Variants in PCDH11X observed in about 807,000 individuals in gnomAD.
PCDH11X encodes the protein protocadherin-11 X-linked.
Under a neutral mutation model 53.3 loss-of-function variants are expected in PCDH11X, and 18 were observed. The ratio of observed to expected loss-of-function variants is 0.34; its 90% confidence interval spans 0.23 to 0.50. The LOEUF is 0.50. Ranked by LOEUF, PCDH11X falls within the 20% of genes least tolerant of loss-of-function variation. The pLI, the probability that PCDH11X is intolerant of heterozygous loss-of-function variation, is 0.98. For synonymous variants in PCDH11X, 279 were observed against 393.3 expected (o/e 0.71, Z 3.44); for missense variants, 570 against 1,032.4 (o/e 0.55, Z 6.14).
At chrX:92,235,309 G>A (rs2067150115) in intron 7 of PCDH11X, among the ~76,000 whole-genome samples, 1 of 111,084 alleles carries the variant, frequency 9.0e-6, no homozygotes, top group Non-Finnish European at 1.9e-5. Context: ...AATTATAGCT[G>A]TCAGGTCTGG....
chrX:92,419,291 T>A (rs980706006), intron 9 of PCDH11X, among the ~76,000 whole-genome samples: 14 of 101,638 alleles, frequency 1.4e-4, no homozygotes, highest in African/African-American at 5.0e-4. Flanking sequence ...TTTTTTTGTC[T>A]TTTTTTTTCT....
At chrX:92,305,228 G>T (rs1260802316) in intron 8 of PCDH11X, among the ~76,000 whole-genome samples, 1 of 110,860 alleles carries the variant, frequency 9.0e-6, no homozygotes, top group Non-Finnish European at 1.9e-5. Context: ...TACAAGGACT[G>T]CCATAACAGT....
At chrX:91,846,966 C>T (rs776597074) in intron 5 of PCDH11X, among the ~76,000 whole-genome samples, 3 of 111,660 alleles carry the variant, frequency 2.7e-5, no homozygotes, top group South Asian at 3.8e-4. Flanking sequence ...AGTTATCAGT[C>T]GGTGCTTCTT....
chrX:92,188,945 G>C (rs770220700), intron 6 of PCDH11X, among the ~76,000 whole-genome samples: 1 of 111,338 alleles, frequency 9.0e-6, no homozygotes, highest in East Asian at 2.8e-4. Flanking sequence ...ATTTAATATA[G>C]TCAAATTTGA....
intron 10 of PCDH11X, among the ~76,000 whole-genome samples, chrX:92,571,912 A>T (rs759620949): frequency 8.9e-6 from 1 of 112,410 alleles, no homozygotes; most frequent in Non-Finnish European, 1.9e-5. Context: ...GTTAAATAGA[A>T]TATTTGAAAA....
chrX:92,383,768 C>T (rs1007451664), intron 8 of PCDH11X, among the ~76,000 whole-genome samples: 1 of 111,725 alleles, frequency 9.0e-6, no homozygotes, highest in African/African-American at 3.3e-5. Flanking sequence ...CTATTGTGAA[C>T]AGTGCCGCAA....
intron 10 of PCDH11X, among the ~76,000 whole-genome samples, chrX:92,511,878 C>A (rs2074167844): frequency 9.1e-6 from 1 of 109,600 alleles, no homozygotes; most frequent in South Asian, 4.0e-4. Flanking sequence ...TGAGGGGGTG[C>A]CTAAGGGTAT....
chrX:92,226,460 A>G (rs1002684702), intron 7 of PCDH11X, among the ~76,000 whole-genome samples: 12 of 111,547 alleles, frequency 1.1e-4, no homozygotes, highest in African/African-American at 2.9e-4. Context: ...ATGGGGTGCT[A>G]TGACCCATAA....
rs189081513 is a variant in PCDH11X, at chrX:92,509,662, A to G, written c.3367+41340A>G. Among the ~76,000 whole-genome samples, 347 of 111,758 alleles carry G rather than the reference A, an allele frequency of 3.1e-3. 1 individual carries two copies. The highest frequency in any genetic ancestry group is 4.2e-3 in the Non-Finnish European group (225 of 53,155). On this transcript the variant is annotated intron_variant, in intron 10 of 10. Coordinates refer to ENST00000682573, the MANE Select transcript of PCDH11X (RefSeq NM_032968.5). ...TGTTCTGCATTTTAAGAAGGGCAAC[A>G]TGACATATGTGGGGAAACGTGAGGA...
At chrX:91,875,378 G>T (rs1388647753) in intron 5 of PCDH11X, among the ~76,000 whole-genome samples, 1 of 105,196 alleles carries the variant, frequency 9.5e-6, no homozygotes, top group African/African-American at 3.5e-5. Flanking sequence ...CGCCTCTGGG[G>T]TTCATGCCAT....
At chrX:92,101,992 A>G (rs904932554) in intron 6 of PCDH11X, among the ~76,000 whole-genome samples, 1 of 111,990 alleles carries the variant, frequency 8.9e-6, no homozygotes, top group African/African-American at 3.3e-5. Context: ...TGGAACTGCC[A>G]TCAATAAATC....
intron 10 of PCDH11X, among the ~76,000 whole-genome samples, chrX:92,604,489 A>T (rs1190279958): frequency 9.0e-6 from 1 of 111,104 alleles, no homozygotes; most frequent in African/African-American, 3.3e-5. Flanking sequence ...ATATCATAAA[A>T]AGCATTAAAA....
Position 92,416,645 on chromosome X carries a change from AG to A in PCDH11X, c.3343+28714del, listed in dbSNP as rs746433507. Among the ~76,000 whole-genome samples, 205 of 110,699 alleles carry A rather than the reference AG, an allele frequency of 1.9e-3. 1 individual carries two copies. The highest frequency in any genetic ancestry group is 6.5e-3 in the African/African-American group (197 of 30,517). ...AACACAAAGAAATGATAAATGTTTG[AG>A]GTGACTTTTACCCCATTACCCTAAT... On this transcript the variant is annotated intron_variant, in intron 9 of 10. Transcript: ENST00000682573.
At chrX:92,472,210 A>G (rs1165484939) in intron 10 of PCDH11X, among the ~76,000 whole-genome samples, 1 of 110,046 alleles carries the variant, frequency 9.1e-6, no homozygotes, top group African/African-American at 3.3e-5. Context: ...TGCCTAGGTT[A>G]TCTTCCAGGA....
intron 8 of PCDH11X, among the ~76,000 whole-genome samples, chrX:92,311,843 T>C (rs1043555989): frequency 1.8e-5 from 2 of 111,085 alleles, no homozygotes; most frequent in African/African-American, 6.5e-5. Flanking sequence ...ATACTGTCCT[T>C]TTTCCTCTTT....
chrX:92,340,363 G>A (rs752762376), intron 8 of PCDH11X, among the ~76,000 whole-genome samples: 1 of 111,682 alleles, frequency 9.0e-6, no homozygotes, highest in Non-Finnish European at 1.9e-5. Flanking sequence ...GGACTCTGTG[G>A]GGGCTCCAAC....
At chrX:92,059,759 C>A (rs1268435193) in intron 6 of PCDH11X, among the ~76,000 whole-genome samples, 8 of 110,475 alleles carry the variant, frequency 7.2e-5, no homozygotes, top group Non-Finnish European at 1.5e-4. Flanking sequence ...GGCTTTTGAT[C>A]CTAGAATTAC....
At position 92,046,196 on chromosome X, in the gene PCDH11X, A is replaced by G. The variant is rs767471899; in HGVS notation, c.3034-155179A>G. 2.8e-4 allele frequency among the ~76,000 whole-genome samples: 31 copies of G among 111,442 alleles called. No homozygotes were observed. In the South Asian group the frequency reaches 0.011, roughly 41 times the overall value. On this transcript the variant is annotated intron_variant, in intron 6 of 10. Coordinates refer to ENST00000682573, the MANE Select transcript of PCDH11X (RefSeq NM_032968.5). ...TATGACGCATAAATTGGCAAATCCTACAACAGGGTGTTTTTCACCTCTTTT... is the reference window on the plus strand; with the variant it reads ...TATGACGCATAAATTGGCAAATCCTGCAACAGGGTGTTTTTCACCTCTTTT...
chrX:92,083,320 C>A (rs1389551367), intron 6 of PCDH11X, among the ~76,000 whole-genome samples: 7 of 111,343 alleles, frequency 6.3e-5, no homozygotes, highest in Non-Finnish European at 1.3e-4. Flanking sequence ...GTAATGGTAT[C>A]TTGGCTCACC....
Sources: allele counts gnomAD v4.1 joint callset (sites outside exome capture counted in the v4.1 genomes callset), GRCh38; gene constraint gnomAD v4.1.1; transcripts MANE v1.5; gene names NCBI Gene and HGNC (gene_info 2026-07-23, HGNC 2026-07-21).